TBC1D9: variants seen among roughly 807,000 people sequenced by gnomAD.
TBC1D9 encodes the protein TBC1 domain family member 9.
Under a neutral mutation model 132.0 loss-of-function variants are expected in TBC1D9, and 63 were observed. The observed-to-expected ratio is 0.48, with a 90% CI of 0.39 to 0.59. The LOEUF (loss-of-function observed/expected upper bound fraction) is 0.59. Among genes scored for constraint, TBC1D9 ranks in the 20% least tolerant of loss-of-function variants. The pLI is 0.00. For synonymous variants in TBC1D9, 610 were observed against 609.9 expected (o/e 1.00, Z 0.00); for missense variants, 1,261 against 1,592.7 (o/e 0.79, Z 3.54).
intron 1 of TBC1D9, among the ~76,000 whole-genome samples, chr4:140,714,122 T>C (rs1347021995): frequency 6.6e-6 from 1 of 152,200 alleles, no homozygotes; most frequent in Non-Finnish European, 1.5e-5. Context: ...CTTTGATTAG[T>C]GCAAACACAC....
rs1275279529 is a variant in TBC1D9, at chr4:140,706,321, G to A, written c.131-4707C>T. On this transcript the variant is annotated intron_variant, in intron 1 of 20. Coordinates refer to ENST00000442267, the MANE Select transcript of TBC1D9 (RefSeq NM_015130.3). This position sits in a 1 kb window ranked among gnomAD's most constrained non-coding sequence, Gnocchi z 4.0. ...AGAGATCCAGGAAATCCATGGCAGAGTGGTCAGGGGAGTGGGCTCAGCTTT... is the reference window on the plus strand; with the variant it reads ...AGAGATCCAGGAAATCCATGGCAGAATGGTCAGGGGAGTGGGCTCAGCTTT... Among the ~76,000 whole-genome samples, 1 of 152,222 alleles carries A rather than the reference G, an allele frequency of 6.6e-6. No homozygotes were observed. The highest frequency in any genetic ancestry group is 1.5e-5 in the Non-Finnish European group (1 of 68,046).
intron 13 of TBC1D9, chr4:140,643,398 A>C (rs941026552): frequency 4.7e-6 from 2 of 423,330 alleles, no homozygotes; most frequent in Non-Finnish European, 3.4e-6. Flanking sequence ...CTCCATGGCC[A>C]CCTCCATGCC....
chr4:140,662,126 A>C lies in TBC1D9; in HGVS notation c.1589-19T>G. On this transcript the variant is annotated intron_variant, in intron 9 of 20. Coordinates refer to ENST00000442267, the MANE Select transcript of TBC1D9 (RefSeq NM_015130.3). The stretch of plus-strand genomic sequence containing the variant: ...ATGGCACCTGAGATATATCCAACAG[A>C]TACAGTATCAAAAACGTGAGAGCTC... 3.1e-6 allele frequency: 5 copies of C among 1,597,602 alleles called. No individual in the cohort carries two copies. The highest frequency in any genetic ancestry group is 3.4e-6 in the Non-Finnish European group (4 of 1,164,946).
intron 13 of TBC1D9, chr4:140,643,995 C>T (rs1256689646): frequency 5.6e-6 from 3 of 535,134 alleles, no homozygotes; most frequent in Non-Finnish European, 1.1e-5. Flanking sequence ...CGGGTCCTCC[C>T]GCAGCGGCTC....
At chr4:140,695,580 T>G (rs1242586130) in intron 2 of TBC1D9, among the ~76,000 whole-genome samples, 2 of 152,188 alleles carry the variant, frequency 1.3e-5, no homozygotes, top group Non-Finnish European at 2.9e-5. Flanking sequence ...GTCACAGAAC[T>G]CCTTTCTTTA....
In TBC1D9 at chr4:140,622,380, C is replaced by A; in HGVS notation, c.3616G>T (p.Asp1206Tyr). Residue 1206 changes from aspartate (D) to tyrosine (Y), a missense_variant, in exon 21 of 21, where the codon GAC (aspartate) becomes TAC (tyrosine). This residue lies in a region of TBC1D9 where 618 missense variants were observed against 724.4 expected (regional missense o/e 0.85). Coordinates refer to ENST00000442267, the MANE Select transcript of TBC1D9 (RefSeq NM_015130.3). Reference sequence around the variant, plus strand: ...TCGAAGGTGATGGCCCAGTCCCGGTCCAGGCTGGTGCTCCGGGGCAGTGCC... The same window carrying A: ...TCGAAGGTGATGGCCCAGTCCCGGTACAGGCTGGTGCTCCGGGGCAGTGCC... ...TAALPRSTSLDRDWAITFEQF... is the reference protein window; with the variant it reads ...TAALPRSTSLYRDWAITFEQF... The A allele has an allele frequency of 6.2e-7, 1 of 1,613,128 alleles. No individual in the cohort carries two copies. Among genetic ancestry groups the A allele is most frequent in the Non-Finnish European group, 8.5e-7 (1 of 1,179,198 alleles).
rs528003984 is a variant in TBC1D9 at position 140,684,733 on chromosome 4, G to A, written c.360+1611C>T. On this transcript the variant is annotated intron_variant, in intron 3 of 20. Coordinates refer to ENST00000442267, the MANE Select transcript of TBC1D9 (RefSeq NM_015130.3). Reference sequence around the variant, plus strand: ...GCTCATTGCAGTCTTGACCTCCTGAGGCAGGAGAATTGCTTGAACCCAGGA... The same window carrying A: ...GCTCATTGCAGTCTTGACCTCCTGAAGCAGGAGAATTGCTTGAACCCAGGA... Among the ~76,000 whole-genome samples the A allele has an allele frequency of 7.9e-5, 12 of 151,472 alleles. No homozygotes were observed. In the South Asian group the frequency reaches 2.5e-3, roughly 32 times the overall value.
At chr4:140,691,433 C>T (rs569232280) in intron 2 of TBC1D9, among the ~76,000 whole-genome samples, 1 of 152,314 alleles carries the variant, frequency 6.6e-6, no homozygotes, top group South Asian at 2.1e-4. Context: ...ATATGAAGCT[C>T]CTTTGTCATG....
chr4:140,688,754 C>T (rs1468843944), intron 2 of TBC1D9, among the ~76,000 whole-genome samples: 1 of 152,066 alleles, frequency 6.6e-6, no homozygotes, highest in Admixed American at 6.6e-5. Flanking sequence ...TAATGTCTGT[C>T]GACACATTGT....
chr4:140,657,605 G>A lies in TBC1D9; in HGVS notation c.2129C>T (p.Ala710Val). 6.2e-7 allele frequency: 1 copy of A among 1,613,908 alleles called. No individual in the cohort carries two copies. Among genetic ancestry groups the A allele is most frequent in the South Asian group, 1.1e-5 (1 of 91,080 alleles). Reference protein sequence around the residue: ...YEGIKVIFQLALAVLDANVDK... With the variant: ...YEGIKVIFQLVLAVLDANVDK... ...CACATTTGCATCCAGCACAGCTAGG[G>A]CCAACTGGAATATCACTTTAATTCC... The change falls in exon 12 of 21, where the codon GCC becomes GTC. Residue 710 changes from alanine to valine, a missense_variant. Ala to Val is a moderately conservative substitution (Grantham distance 64, BLOSUM62 0). Transcript: ENST00000442267.
intron 1 of TBC1D9, among the ~76,000 whole-genome samples, chr4:140,741,033 A>G (rs1246109118): frequency 6.6e-6 from 1 of 152,212 alleles, no homozygotes; most frequent in African/African-American, 2.4e-5. Context: ...AGTTCAGGCC[A>G]TGGTAGGAAG....
intron 13 of TBC1D9, chr4:140,642,904 C>T (rs900855042): frequency 5.1e-6 from 3 of 590,554 alleles, no homozygotes; most frequent in African/African-American, 1.9e-5. Context: ...TCGTGCCTGT[C>T]CTCGGAGTCC....
chr4:140,650,105 T>G (rs1392465261), intron 13 of TBC1D9, among the ~76,000 whole-genome samples: 1 of 152,232 alleles, frequency 6.6e-6, no homozygotes, highest in Non-Finnish European at 1.5e-5. Flanking sequence ...CCATGTAAAC[T>G]ATTAGCTGTT....
At chr4:140,724,176 C>G (rs1335354437) in intron 1 of TBC1D9, among the ~76,000 whole-genome samples, 1 of 152,190 alleles carries the variant, frequency 6.6e-6, no homozygotes, top group African/African-American at 2.4e-5. Context: ...CTGATTAATG[C>G]AAGGCCATGG....
chr4:140,651,324 G>A (rs1249865713), intron 13 of TBC1D9, among the ~76,000 whole-genome samples: 1 of 152,156 alleles, frequency 6.6e-6, no homozygotes, highest in Non-Finnish European at 1.5e-5. Flanking sequence ...TTAGCCAGGT[G>A]TAGTGGTGCA....
At chr4:140,647,914 G>A (rs959429395) in intron 13 of TBC1D9, among the ~76,000 whole-genome samples, 4 of 151,678 alleles carry the variant, frequency 2.6e-5, no homozygotes, top group Admixed American at 2.0e-4. Flanking sequence ...TCCCTCCCCC[G>A]ACTTTGGGGG....
intron 1 of TBC1D9, among the ~76,000 whole-genome samples, chr4:140,753,799 T>A (rs533798746): frequency 1.3e-5 from 2 of 152,328 alleles, no homozygotes; most frequent in African/African-American, 4.8e-5. Context: ...TGCCAACAAA[T>A]ATTTGTTAAA....
chr4:140,726,353 T>G (rs1560897468), intron 1 of TBC1D9, among the ~76,000 whole-genome samples: 1 of 152,174 alleles, frequency 6.6e-6, no homozygotes, highest in Admixed American at 6.5e-5. Context: ...ACATTCTTTG[T>G]TGAGAACACT....
Position 140,669,691 on chromosome 4 carries a change from T to C in TBC1D9, c.1380A>G (p.Thr460=). 6.2e-7 allele frequency: 1 copy of C among 1,613,994 alleles called. No homozygotes were observed. The highest frequency in any genetic ancestry group is 1.1e-5 in the South Asian group (1 of 91,078). The change falls in exon 8 of 21, where the codon ACA becomes ACG. Residue 460 remains threonine (T), a synonymous_variant. Transcript: ENST00000442267. ...GCCGATACATGGTCATCAGGGTCTG[T>C]GTGGCTGTGGGGACGCTGTTGCCAT... is the stretch of plus-strand genomic sequence containing the variant. ...NLNGNSVPTA[T]QTLMTMYRRR...
Sources: gnomAD v4.1 joint callset for allele counts (sites outside exome capture counted in the v4.1 genomes callset) on GRCh38, gnomAD v4.1.1 for gene constraint, gnomAD v4.1.1 regional missense constraint, Gnocchi (gnomAD v3.1) non-coding constraint, MANE v1.5 for transcripts, NCBI Gene and HGNC (gene_info 2026-07-23, HGNC 2026-07-21) for gene names.